Variants in TMEM178B observed in about 807,000 individuals in gnomAD.
The protein encoded by TMEM178B is transmembrane protein 178B.
A neutral mutation model predicts 31.0 loss-of-function variants in TMEM178B; 5 were observed. That is an observed-to-expected ratio of 0.16 (90% CI 0.08 to 0.34). TMEM178B has a LOEUF of 0.34. Ranked by LOEUF, TMEM178B falls within the 10% of genes least tolerant of loss-of-function variation. TMEM178B has a pLI of 1.00. For missense variants in TMEM178B, 275 were observed against 400.3 expected (o/e 0.69, Z 2.67); for synonymous variants, 164 against 164.0 (o/e 1.00, Z 0.00).
intron 1 of TMEM178B, among the ~76,000 whole-genome samples, chr7:141,207,741 CA>C (rs149780505): frequency 0.013 from 2,042 of 152,218 alleles, 44 homozygotes; most frequent in African/African-American, 0.047. Flanking sequence ...GCTCAGAAGG[CA>C]GAGCATGACT....
At chr7:141,117,993 C>T (rs1795347070) in intron 1 of TMEM178B, among the ~76,000 whole-genome samples, 1 of 152,088 alleles carries the variant, frequency 6.6e-6, no homozygotes, top group African/African-American at 2.4e-5. Context: ...CATTCTATGG[C>T]ATCTGTGGTG....
At chr7:141,290,742 G>T (rs550914777) in intron 2 of TMEM178B, among the ~76,000 whole-genome samples, 1 of 151,952 alleles carries the variant, frequency 6.6e-6, no homozygotes, top group South Asian at 2.1e-4. Context: ...TGCCCCTTTC[G>T]GCCTCTCCTT....
chr7:141,381,724 G>A (rs1050295979), intron 2 of TMEM178B, among the ~76,000 whole-genome samples: 98 of 152,178 alleles, frequency 6.4e-4, no homozygotes, highest in African/African-American at 2.2e-3. Flanking sequence ...AAGGATAGGA[G>A]CGACTTTTAT....
chr7:141,311,087 G>A (rs1798902388), intron 2 of TMEM178B, among the ~76,000 whole-genome samples: 1 of 152,182 alleles, frequency 6.6e-6, no homozygotes, highest in African/African-American at 2.4e-5. Flanking sequence ...TTATGAGCGG[G>A]AGCTGAACAA....
intron 1 of TMEM178B, among the ~76,000 whole-genome samples, chr7:141,149,693 T>C (rs778266951): frequency 6.6e-6 from 1 of 152,146 alleles, no homozygotes; most frequent in Non-Finnish European, 1.5e-5. Flanking sequence ...GAGAACGCCT[T>C]ATGATGACTG....
intron 2 of TMEM178B, among the ~76,000 whole-genome samples, chr7:141,333,918 A>C (rs532276394): frequency 6.6e-6 from 1 of 152,252 alleles, no homozygotes. Context: ...CTGATCTGAC[A>C]GGAGGTAGAG....
At chr7:141,333,748 G>A (rs1044290330) in intron 2 of TMEM178B, among the ~76,000 whole-genome samples, 3 of 152,174 alleles carry the variant, frequency 2.0e-5, no homozygotes, top group Non-Finnish European at 4.4e-5. Context: ...TAATTTTTCC[G>A]TGGACTGGGG....
chr7:141,305,084 A>G (rs145106474), intron 2 of TMEM178B, among the ~76,000 whole-genome samples: 1 of 152,342 alleles, frequency 6.6e-6, no homozygotes, highest in Non-Finnish European at 1.5e-5. Flanking sequence ...GGTAAAACCC[A>G]GATCATGCAA....
rs902513960 is a variant in TMEM178B at position 141,477,191 on chromosome 7, A to C, written c.*6405A>C. On this transcript the variant is annotated 3_prime_UTR_variant, in exon 4 of 4. Transcript: ENST00000565468. ...CCTTTCCTGTGAAGAGCTTTCATGA[A>C]CTCATTCTCATACTCCTTCCCCATT... 6.5e-6 allele frequency: 1 copy of C among 154,684 alleles called. No individual in the cohort carries two copies. The highest frequency in any genetic ancestry group is 2.4e-5 in the African/African-American group (1 of 41,472). The allele number at this position is 154,684 out of a possible 1,614,324, so 9.6% of individuals were successfully genotyped here.
chr7:141,413,838 A>G (rs1801048790), intron 2 of TMEM178B, among the ~76,000 whole-genome samples: 1 of 137,950 alleles, frequency 7.2e-6, no homozygotes, highest in Non-Finnish European at 1.7e-5. Context: ...AGCAACACAT[A>G]CTTATTATTG....
chr7:141,461,294 A>G lies in TMEM178B; in HGVS notation c.635-9242A>G, dbSNP rs2116718395. 6.6e-6 allele frequency among the ~76,000 whole-genome samples: 1 copy of G among 152,302 alleles called. No homozygotes were observed. The highest frequency in any genetic ancestry group is 2.4e-5 in the African/African-American group (1 of 41,568). On this transcript the variant is annotated intron_variant, in intron 3 of 3. Transcript: ENST00000565468. The surrounding 1 kb of genome is among the most constrained non-coding windows in gnomAD (Gnocchi z 4.0). ...CAGCGACCTGTAGGGCTCCAGTCAG[A>G]ACATAGGCCCTCTCTCCACATAGCA...
chr7:141,248,524 C>T (rs997962163), intron 2 of TMEM178B, among the ~76,000 whole-genome samples: 10 of 152,298 alleles, frequency 6.6e-5, no homozygotes, highest in Non-Finnish European at 1.0e-4. Flanking sequence ...CAGACATTGA[C>T]GGTATAGCCT....
chr7:141,161,949 TGA>T (rs1412403347), intron 1 of TMEM178B, among the ~76,000 whole-genome samples: 7 of 76,262 alleles, frequency 9.2e-5, no homozygotes, highest in Non-Finnish European at 1.3e-4. Context: ...TGAGGATTTG[TGA>T]GAGAGCATGA....
chr7:141,335,568 A>G (rs1225091841), intron 2 of TMEM178B, among the ~76,000 whole-genome samples: 3 of 152,194 alleles, frequency 2.0e-5, no homozygotes, highest in Non-Finnish European at 4.4e-5. Context: ...CCAGCTCATG[A>G]GAAGTTTTCA....
intron 2 of TMEM178B, among the ~76,000 whole-genome samples, chr7:141,340,946 A>G (rs1799506377): frequency 6.6e-6 from 1 of 152,198 alleles, no homozygotes; most frequent in African/African-American, 2.4e-5. Context: ...GTCACTAAAT[A>G]TGAAACTCAC....
intron 2 of TMEM178B, among the ~76,000 whole-genome samples, chr7:141,366,499 G>A (rs934216579): frequency 3.3e-5 from 5 of 152,126 alleles, no homozygotes; most frequent in African/African-American, 4.8e-5. Context: ...GTTTAAAAAC[G>A]TGCATGTCTG....
At chr7:141,150,336 C>G (rs147143706) in intron 1 of TMEM178B, among the ~76,000 whole-genome samples, 2 of 152,150 alleles carry the variant, frequency 1.3e-5, no homozygotes, top group Non-Finnish European at 2.9e-5. Context: ...AGTCAGGATG[C>G]AATTTTTCCC....
At chr7:141,406,705 A>G (rs1800892243) in intron 2 of TMEM178B, among the ~76,000 whole-genome samples, 1 of 152,266 alleles carries the variant, frequency 6.6e-6, no homozygotes, top group African/African-American at 2.4e-5. Flanking sequence ...TAGGAGGAGA[A>G]AGAAGCAGTT....
intron 2 of TMEM178B, among the ~76,000 whole-genome samples, chr7:141,279,595 C>A (rs1480590779): frequency 6.6e-6 from 1 of 152,216 alleles, no homozygotes; most frequent in African/African-American, 2.4e-5. Flanking sequence ...GGCAAAGTAA[C>A]TGTTCCCTTA....
Sources: gnomAD v4.1 joint callset for allele counts (sites outside exome capture counted in the v4.1 genomes callset) on GRCh38, gnomAD v4.1.1 for gene constraint, Gnocchi (gnomAD v3.1) non-coding constraint, MANE v1.5 for transcripts, NCBI Gene and HGNC (gene_info 2026-07-23, HGNC 2026-07-21) for gene names.